Variants in CCDC85A observed in about 807,000 individuals in gnomAD.
CCDC85A encodes coiled-coil domain containing 85A, also known as coiled-coil domain-containing protein 85A.
CCDC85A carries 38 observed loss-of-function variants against 50.2 expected under a neutral mutation model. The observed-to-expected ratio is 0.76, with a 90% confidence interval of 0.58 to 0.99. The LOEUF (loss-of-function observed/expected upper bound fraction) is 0.99, where lower values mean the gene tolerates loss of function less well. CCDC85A is among the 50% of genes least tolerant of loss of function. The pLI is 0.00. For missense variants in CCDC85A, 820 were observed against 742.0 expected (o/e 1.11, Z -1.22); for synonymous variants, 366 against 301.4 (o/e 1.21, Z -2.22).
chr2:56,368,549 A>G (rs566966889), intron 3 of CCDC85A, among the ~76,000 whole-genome samples: 1 of 152,284 alleles, frequency 6.6e-6, no homozygotes, highest in South Asian at 2.1e-4. Flanking sequence ...GAGGTATTAA[A>G]TATTATATGA....
chr2:56,274,686 C>T (rs7576924), intron 2 of CCDC85A, among the ~76,000 whole-genome samples: 38,123 of 152,094 alleles, frequency 0.25, 4,883 homozygotes, highest in East Asian at 0.37. Context: ...CGTAGTCTAG[C>T]CAAGTTGACA....
chr2:56,284,693 T>TA (rs1671352978), intron 2 of CCDC85A, among the ~76,000 whole-genome samples: 1 of 152,104 alleles, frequency 6.6e-6, no homozygotes, highest in Admixed American at 6.6e-5. Flanking sequence ...AAATCCTTAC[T>TA]AATGTTTGGT....
Position 56,184,657 on chromosome 2 carries a change from T to A in CCDC85A, c.33T>A (p.Ala11=), listed in dbSNP as rs549078505. The change falls in exon 1 of 6, where the codon GCT becomes GCA. Residue 11 remains alanine (A), a synonymous_variant. Transcript: ENST00000407595. ...AGGCGGCCGGAGGCGCGGCGGCGGC[T>A]GCGGCGGCGGCGGAAAGTTGTTCCC... is the stretch of plus-strand genomic sequence containing the variant. MSKAAGGAAA[A]AAAAESCSPA... is the part of the protein sequence containing the mutation. The A allele has an allele frequency of 2.8e-6, 4 of 1,448,562 alleles. No individual in the cohort carries two copies. The highest frequency in any genetic ancestry group is 3.6e-6 in the Non-Finnish European group (4 of 1,113,294). 89.7% of individuals were successfully genotyped at this position (1,448,562 alleles called of 1,614,324 possible). A position where few individuals can be genotyped will look rare whatever the true frequency, so the allele number is the denominator to read the frequency against.
intron 5 of CCDC85A, chr2:56,379,649 G>A: frequency 1.0e-5 from 2 of 192,842 alleles, no homozygotes; most frequent in Non-Finnish European, 1.9e-5. Context: ...CAGACATGGA[G>A]AAAACTAAAG....
At chr2:56,340,370 T>C (rs1674294871) in intron 2 of CCDC85A, among the ~76,000 whole-genome samples, 1 of 152,172 alleles carries the variant, frequency 6.6e-6, no homozygotes, top group Admixed American at 6.5e-5. Context: ...TGCACTACCG[T>C]ATTGCCTCTT....
intron 2 of CCDC85A, among the ~76,000 whole-genome samples, chr2:56,268,868 C>T (rs1441442502): frequency 6.6e-6 from 1 of 152,070 alleles, no homozygotes; most frequent in East Asian, 1.9e-4. Context: ...TTCCCTTTGA[C>T]AATTTGAGCT....
At chr2:56,377,509 CAT>C (rs1676389524) in intron 5 of CCDC85A, among the ~76,000 whole-genome samples, 1 of 152,282 alleles carries the variant, frequency 6.6e-6, no homozygotes, top group South Asian at 2.1e-4. Context: ...ATCAGATCAG[CAT>C]AGTGAGTCAC....
intron 2 of CCDC85A, among the ~76,000 whole-genome samples, chr2:56,250,737 T>G (rs1669716876): frequency 6.6e-6 from 1 of 152,204 alleles, no homozygotes; most frequent in Non-Finnish European, 1.5e-5. Context: ...ATTGAGGTAT[T>G]TGGTTAATAA....
intron 2 of CCDC85A, among the ~76,000 whole-genome samples, chr2:56,299,975 A>G (rs779531286): frequency 6.6e-6 from 1 of 152,146 alleles, no homozygotes; most frequent in Admixed American, 6.6e-5. Flanking sequence ...CCTGTTCTAG[A>G]AAAAGGAGAA....
At chr2:56,227,335 G>A (rs1668584392) in intron 2 of CCDC85A, among the ~76,000 whole-genome samples, 1 of 152,154 alleles carries the variant, frequency 6.6e-6, no homozygotes, top group African/African-American at 2.4e-5. Context: ...GTGTTGCTTG[G>A]CAACAGACGG....
intron 2 of CCDC85A, among the ~76,000 whole-genome samples, chr2:56,323,517 G>T (rs1031619336): frequency 6.6e-6 from 1 of 151,902 alleles, no homozygotes; most frequent in Non-Finnish European, 1.5e-5. Context: ...CTGACCCTGT[G>T]GGTTTGAGAA....
At chr2:56,210,206 G>A (rs576684355) in intron 2 of CCDC85A, among the ~76,000 whole-genome samples, 1 of 152,212 alleles carries the variant, frequency 6.6e-6, no homozygotes, top group East Asian at 1.9e-4. Flanking sequence ...ATGAGGAGTT[G>A]CAGCTGTGGT....
intron 3 of CCDC85A, among the ~76,000 whole-genome samples, chr2:56,354,841 T>C (rs34898521): frequency 0.24 from 36,868 of 152,144 alleles, 4,652 homozygotes; most frequent in East Asian, 0.41. Flanking sequence ...AATTAAAAAT[T>C]ATACAAAGTA....
At position 56,205,590 on chromosome 2, in the gene CCDC85A, A is replaced by G. The variant is rs139102629; in HGVS notation, c.1240+12150A>G. Among the ~76,000 whole-genome samples, 342 of 152,318 alleles carry G rather than the reference A, an allele frequency of 2.2e-3. 3 individuals are homozygous for G. The highest frequency in any genetic ancestry group is 7.8e-3 in the African/African-American group (325 of 41,580). On this transcript the variant is annotated intron_variant, in intron 2 of 5. Transcript: ENST00000407595. ...AGATAAACAACATGGTAAAAGAAAC[A>G]TAAATGGCAGTAAGGGGAAGCATGA...
In CCDC85A at chr2:56,385,059, T is replaced by C. The variant is rs1440566675; in HGVS notation, c.*704T>C. On this transcript the variant is annotated 3_prime_UTR_variant, in exon 6 of 6. Coordinates refer to ENST00000407595, the MANE Select transcript of CCDC85A (RefSeq NM_001080433.2). Reference sequence around the variant, plus strand: ...TGATCAATATAAATATATCTTTTTTTTTCATCTTAATGAGTTTCTCATAAA... The same window carrying C: ...TGATCAATATAAATATATCTTTTTTCTTCATCTTAATGAGTTTCTCATAAA... 6.6e-6 allele frequency: 1 copy of C among 152,158 alleles called. No homozygotes were observed. The highest frequency in any genetic ancestry group is 1.5e-5 in the Non-Finnish European group (1 of 67,796). The allele number at this position is 152,158 out of a possible 1,614,324, so 9.4% of individuals were successfully genotyped here. A position where few individuals can be genotyped will look rare whatever the true frequency, so the allele number is the denominator to read the frequency against.
At chr2:56,288,690 G>GCC (rs557827580) in intron 2 of CCDC85A, among the ~76,000 whole-genome samples, 1 of 147,410 alleles carries the variant, frequency 6.8e-6, no homozygotes, top group African/African-American at 2.5e-5. Context: ...TTCCCACCAT[G>GCC]CCCCCCCCAC....
intron 2 of CCDC85A, among the ~76,000 whole-genome samples, chr2:56,312,696 AC>A (rs1672750443): frequency 6.6e-6 from 1 of 152,168 alleles, no homozygotes; most frequent in Non-Finnish European, 1.5e-5. Flanking sequence ...TTGAACATCT[AC>A]TTTATAAAAT....
At chr2:56,372,683 G>A (rs1676136936) in intron 4 of CCDC85A, among the ~76,000 whole-genome samples, 1 of 152,160 alleles carries the variant, frequency 6.6e-6, no homozygotes, top group Admixed American at 6.5e-5. Flanking sequence ...ACATCTGGGG[G>A]TGAAAGTTGA....
chr2:56,245,752 C>T (rs538178228), intron 2 of CCDC85A, among the ~76,000 whole-genome samples: 2 of 152,176 alleles, frequency 1.3e-5, no homozygotes, highest in South Asian at 4.2e-4. Context: ...GAGGTGAGAC[C>T]TCTTAATAGC....
Sources: allele counts gnomAD v4.1 joint callset (sites outside exome capture counted in the v4.1 genomes callset), GRCh38; gene constraint gnomAD v4.1.1; transcripts MANE v1.5; gene names NCBI Gene and HGNC (gene_info 2026-07-23, HGNC 2026-07-21).